TMEM132D: variants seen among roughly 807,000 people sequenced by gnomAD.
TMEM132D encodes mature OL transmembrane protein.
TMEM132D carries 21 observed loss-of-function variants against 62.3 expected under a neutral mutation model. The ratio of observed to expected loss-of-function variants is 0.34; its 90% confidence interval spans 0.24 to 0.49. The LOEUF (loss-of-function observed/expected upper bound fraction) is 0.49, where lower values mean the gene tolerates loss of function less well. TMEM132D is among the 20% of genes least tolerant of loss of function. The pLI is 0.99. For synonymous variants in TMEM132D, 621 were observed against 575.6 expected, an observed-to-expected ratio of 1.08 and a Z score of -1.13; for missense variants, 1,346 against 1,402.8, an observed-to-expected ratio of 0.96 and a Z score of 0.65.
At chr12:129,357,614 A>C (rs1386947779) in intron 3 of TMEM132D, among the ~76,000 whole-genome samples, 1 of 152,118 alleles carries the variant, frequency 6.6e-6, no homozygotes, top group African/African-American at 2.4e-5. Flanking sequence ...AAAAGAAAGA[A>C]AGAAGTGAAG....
chr12:129,797,006 C>T (rs1481631518), intron 1 of TMEM132D, among the ~76,000 whole-genome samples: 3 of 152,176 alleles, frequency 2.0e-5, no homozygotes, highest in Non-Finnish European at 2.9e-5. Flanking sequence ...CTTTTAACAC[C>T]GGCTTGTTTT....
chr12:129,462,528 C>T (rs538778892), intron 3 of TMEM132D, among the ~76,000 whole-genome samples: 2 of 152,182 alleles, frequency 1.3e-5, no homozygotes, highest in Non-Finnish European at 2.9e-5. Context: ...TTTACCACTG[C>T]TCCTACAAGG....
chr12:129,557,068 C>A (rs1311437975), intron 2 of TMEM132D, among the ~76,000 whole-genome samples: 1 of 152,150 alleles, frequency 6.6e-6, no homozygotes, highest in Non-Finnish European at 1.5e-5. Flanking sequence ...TGATTTGATA[C>A]CCACCATTAT....
intron 2 of TMEM132D, among the ~76,000 whole-genome samples, chr12:129,580,529 T>C (rs980979254): frequency 2.6e-5 from 4 of 151,892 alleles, no homozygotes; most frequent in Non-Finnish European, 4.4e-5. Context: ...CAGAAACAAA[T>C]ACTGAGATCC....
chr12:129,780,977 TTTGAG>T (rs1871103142), intron 1 of TMEM132D, among the ~76,000 whole-genome samples: 1 of 152,188 alleles, frequency 6.6e-6, no homozygotes, highest in African/African-American at 2.4e-5. Context: ...GAGAGGATGA[TTTGAG>T]TTGTCTGGCC....
chr12:129,636,571 C>G (rs1358184920), intron 2 of TMEM132D, among the ~76,000 whole-genome samples: 3 of 152,084 alleles, frequency 2.0e-5, no homozygotes, highest in Non-Finnish European at 4.4e-5. Flanking sequence ...TTCATTCAGT[C>G]AGTTGGGGGG....
intron 3 of TMEM132D, among the ~76,000 whole-genome samples, chr12:129,489,805 T>C (rs1874706050): frequency 6.6e-6 from 1 of 152,254 alleles, no homozygotes; most frequent in Admixed American, 6.5e-5. Flanking sequence ...ATAATTACAT[T>C]AATATTTTGG....
rs374063892 is a variant in TMEM132D, at chr12:129,541,217, G to A, written c.969-10012C>T. 1.9e-4 allele frequency among the ~76,000 whole-genome samples: 29 copies of A among 152,228 alleles called. 1 individual carries two copies. In the East Asian group the frequency reaches 2.1e-3, roughly 11 times the overall value. The stretch of plus-strand genomic sequence containing the variant: ...ACCATAAAGCCAGCAAGGAACACAC[G>A]CAGGCAGGCAGAAGGGAAATACGTA... On this transcript the variant is annotated intron_variant, in intron 2 of 8. Coordinates refer to ENST00000422113, the MANE Select transcript of TMEM132D (RefSeq NM_133448.3).
chr12:129,799,067 CA>C (rs112556054), intron 1 of TMEM132D, among the ~76,000 whole-genome samples: 3,047 of 152,206 alleles, frequency 0.02, 116 homozygotes, highest in African/African-American at 0.069. Context: ...AGATGGAGAC[CA>C]ATCCTGTCCA....
chr12:129,357,246 CAAA>C (rs751595186), intron 3 of TMEM132D, among the ~76,000 whole-genome samples: 1 of 91,174 alleles, frequency 1.1e-5, no homozygotes, highest in African/African-American at 3.9e-5. Context: ...GACCGTGTCT[CAAA>C]AAAAAAAAAA....
chr12:129,532,345 G>C (rs1013774254), intron 2 of TMEM132D, among the ~76,000 whole-genome samples: 2 of 152,136 alleles, frequency 1.3e-5, no homozygotes, highest in Non-Finnish European at 2.9e-5. Context: ...AGGCAATGGT[G>C]CCAGAGCCTA....
chr12:129,715,102 C>A (rs1206777203), intron 1 of TMEM132D, among the ~76,000 whole-genome samples: 1 of 152,268 alleles, frequency 6.6e-6, no homozygotes, highest in Middle Eastern at 3.4e-3. Context: ...AGGGATTTAA[C>A]AGCTTAAAGA....
At chr12:129,416,905 G>T (rs1225178457) in intron 3 of TMEM132D, among the ~76,000 whole-genome samples, 3 of 152,156 alleles carry the variant, frequency 2.0e-5, no homozygotes, top group African/African-American at 4.8e-5. Flanking sequence ...ACTTGGTCAT[G>T]GTGGATAAGC....
intron 2 of TMEM132D, among the ~76,000 whole-genome samples, chr12:129,602,600 C>T (rs996339870): frequency 2.6e-5 from 4 of 152,174 alleles, no homozygotes; most frequent in African/African-American, 9.7e-5. Context: ...GTCACAGGGG[C>T]ATATGACTTT....
chr12:129,761,210 G>A (rs1870364282), intron 1 of TMEM132D, among the ~76,000 whole-genome samples: 1 of 152,082 alleles, frequency 6.6e-6, no homozygotes, highest in Admixed American at 6.6e-5. Context: ...CTTGACTGTT[G>A]GTTCAATGTC....
In TMEM132D at chr12:129,304,138, A is replaced by G. The variant is rs561270111; in HGVS notation, c.1299+33496T>C. On this transcript the variant is annotated intron_variant, in intron 4 of 8. Coordinates refer to ENST00000422113, the MANE Select transcript of TMEM132D (RefSeq NM_133448.3). The stretch of plus-strand genomic sequence containing the variant: ...ATCTGGCTATCCGTGAGCCCAATCC[A>G]GTTGCCAAATTTCAACCATCGCAGT... Among the ~76,000 whole-genome samples, 95 of 152,354 alleles carry G rather than the reference A, an allele frequency of 6.2e-4. 1 individual carries two copies. Among genetic ancestry groups the G allele is most frequent in the South Asian group, 3.5e-3 (17 of 4,828 alleles).
chr12:129,225,712 G>T (rs1056613309), intron 4 of TMEM132D, among the ~76,000 whole-genome samples: 1 of 152,150 alleles, frequency 6.6e-6, no homozygotes, highest in East Asian at 1.9e-4. Flanking sequence ...CATATGCAAT[G>T]ACTTACATGG....
intron 2 of TMEM132D, among the ~76,000 whole-genome samples, chr12:129,588,650 C>T (rs1229757213): frequency 6.6e-6 from 1 of 151,712 alleles, no homozygotes; most frequent in Non-Finnish European, 1.5e-5. Flanking sequence ...TCTCCGCCCA[C>T]TGCAAGCTCC....
chr12:129,413,941 T>C (rs1179431457), intron 3 of TMEM132D, among the ~76,000 whole-genome samples: 1 of 152,228 alleles, frequency 6.6e-6, no homozygotes, highest in Non-Finnish European at 1.5e-5. Context: ...CACAATTAAA[T>C]GAAATTAAAA....
Sources: gnomAD v4.1 joint callset for allele counts (sites outside exome capture counted in the v4.1 genomes callset) on GRCh38, gnomAD v4.1.1 for gene constraint, MANE v1.5 for transcripts, NCBI Gene and HGNC (gene_info 2026-07-23, HGNC 2026-07-21) for gene names.